The following LUC7L2 variants were observed in gnomAD, a reference collection of about 807,000 sequenced individuals.
LUC7L2 encodes LUC7 like 2, pre-mRNA splicing factor, also known as putative RNA-binding protein Luc7-like 2.
Under a neutral mutation model 52.8 loss-of-function variants are expected in LUC7L2, and 25 were observed. The ratio of observed to expected loss-of-function variants is 0.47; its 90% CI spans 0.34 to 0.66. LUC7L2 has a LOEUF of 0.66. LUC7L2 is among the 30% of genes least tolerant of loss of function. The probability of loss-of-function intolerance (pLI) is 0.01; values close to 1 mark genes in which losing one functional copy is unlikely to be tolerated. For missense variants in LUC7L2, 328 were observed against 497.8 expected, an observed-to-expected ratio of 0.66 and a Z score of 3.25; for synonymous variants, 144 against 160.9, an observed-to-expected ratio of 0.89 and a Z score of 0.80.
At chr7:139,379,320 A>G (rs557339160) in intron 2 of LUC7L2, among the ~76,000 whole-genome samples, 1 of 151,684 alleles carries the variant, frequency 6.6e-6, no homozygotes, top group South Asian at 2.1e-4. Context: ...GGGACAACAT[A>G]GTAAGACTCT....
intron 1 of LUC7L2, among the ~76,000 whole-genome samples, chr7:139,351,072 CT>C (rs1799445288): frequency 6.6e-6 from 1 of 152,134 alleles, no homozygotes; most frequent in Non-Finnish European, 1.5e-5. Context: ...GACCAAGGTC[CT>C]TATGTCACAC....
chr7:139,397,792 G>C (rs961889572), intron 2 of LUC7L2, among the ~76,000 whole-genome samples: 1 of 152,058 alleles, frequency 6.6e-6, no homozygotes, highest in Non-Finnish European at 1.5e-5. Context: ...CCTCTGGTTT[G>C]GTAAATAACA....
At chr7:139,362,907 T>TA (rs1408984243) in intron 1 of LUC7L2, among the ~76,000 whole-genome samples, 1 of 152,214 alleles carries the variant, frequency 6.6e-6, no homozygotes, top group African/African-American at 2.4e-5. Flanking sequence ...ATAAAGTAGT[T>TA]AATCATTTAG....
intron 2 of LUC7L2, among the ~76,000 whole-genome samples, chr7:139,377,749 G>A (rs1359668846): frequency 8.6e-5 from 13 of 150,306 alleles, no homozygotes; most frequent in Admixed American, 8.0e-4. Flanking sequence ...GGCTGGTCTT[G>A]AACTCCTGAC....
At chr7:139,341,301 G>A (rs559317376) in intron 1 of LUC7L2, 4 of 1,527,678 alleles carry the variant, frequency 2.6e-6, no homozygotes, top group Non-Finnish European at 8.8e-7. Flanking sequence ...CTGTCCGACC[G>A]TACCATTAGG....
At chr7:139,367,113 A>C (rs1387036393) in intron 1 of LUC7L2, among the ~76,000 whole-genome samples, 1 of 152,062 alleles carries the variant, frequency 6.6e-6, no homozygotes, top group Non-Finnish European at 1.5e-5. Context: ...CTGAGATGAC[A>C]GGCATGCACT....
chr7:139,421,528 T>C (rs1419305738), intron 9 of LUC7L2, among the ~76,000 whole-genome samples: 1 of 152,260 alleles, frequency 6.6e-6, no homozygotes, highest in Non-Finnish European at 1.5e-5. Context: ...AGCATCTTTG[T>C]CTTTTTTTAT....
chr7:139,348,605 G>C (rs1465120361), intron 1 of LUC7L2, among the ~76,000 whole-genome samples: 2 of 151,944 alleles, frequency 1.3e-5, no homozygotes, highest in South Asian at 2.1e-4. Flanking sequence ...TGTAGTCCCA[G>C]CTACTCTGGA....
chr7:139,357,184 A>G (rs1024092655), upstream of LUC7L2, among the ~76,000 whole-genome samples: 1 of 152,182 alleles, frequency 6.6e-6, no homozygotes, highest in Non-Finnish European at 1.5e-5. Context: ...ACTAGAGTGG[A>G]AGAAATTGGA....
chr7:139,381,746 T>C (rs953972926), intron 2 of LUC7L2, among the ~76,000 whole-genome samples: 1 of 151,886 alleles, frequency 6.6e-6, no homozygotes, highest in African/African-American at 2.4e-5. Context: ...CTGCCTAATT[T>C]TGTATTTTTA....
At chr7:139,401,704 C>T (rs972565235) in intron 3 of LUC7L2, among the ~76,000 whole-genome samples, 6 of 151,462 alleles carry the variant, frequency 4.0e-5, no homozygotes, top group Admixed American at 1.3e-4. Context: ...CTACCTGCTT[C>T]GGCCTCCCAA....
At chr7:139,393,339 G>A (rs1654531274) in intron 2 of LUC7L2, among the ~76,000 whole-genome samples, 1 of 152,128 alleles carries the variant, frequency 6.6e-6, no homozygotes, top group Admixed American at 6.5e-5. Context: ...GCTTAAGCGG[G>A]AGGATTGCTT....
intron 8 of LUC7L2, chr7:139,416,506 C>A (rs1795628318): frequency 6.6e-6 from 1 of 152,134 alleles, no homozygotes; most frequent in African/African-American, 2.4e-5. Flanking sequence ...AGTGTTCTTT[C>A]TCCCAAACTG....
intron 1 of LUC7L2, among the ~76,000 whole-genome samples, chr7:139,348,896 C>T (rs1799358754): frequency 6.6e-6 from 1 of 152,030 alleles, no homozygotes; most frequent in Admixed American, 6.6e-5. Flanking sequence ...CATGGTGGCT[C>T]ACGCCTGTAA....
chr7:139,389,128 C>T (rs183085665), intron 2 of LUC7L2, among the ~76,000 whole-genome samples: 2 of 151,848 alleles, frequency 1.3e-5, no homozygotes, highest in East Asian at 3.9e-4. Flanking sequence ...TAATTTGACC[C>T]CAGTGGCTTT....
chr7:139,405,739 A>G lies in LUC7L2; in HGVS notation c.462A>G (p.Lys154=). ...GAEGNVEESQ[K]VMDEVEKARA... is the part of the protein sequence containing the mutation. ...AAGGGAATGTGGAGGAATCCCAGAA[A>G]GTAATGGATGAAGTAGAGAAAGCAC... is the stretch of plus-strand genomic sequence containing the variant. The change falls in exon 5 of 10, where the codon AAA becomes AAG. Residue 154 remains lysine (K), a synonymous_variant. Transcript: ENST00000354926. 1 of 1,613,456 alleles carries G rather than the reference A, an allele frequency of 6.2e-7. No homozygotes were observed. The highest frequency in any genetic ancestry group is 8.5e-7 in the Non-Finnish European group (1 of 1,179,854).
At chr7:139,413,386 C>G (rs1795453658) in intron 8 of LUC7L2, among the ~76,000 whole-genome samples, 4 of 152,132 alleles carry the variant, frequency 2.6e-5, no homozygotes, top group Admixed American at 2.0e-4. Flanking sequence ...TCCTCTTGTT[C>G]AGATCACATC....
At chr7:139,347,582 C>T (rs1421035542) in intron 1 of LUC7L2, among the ~76,000 whole-genome samples, 5 of 149,130 alleles carry the variant, frequency 3.4e-5, no homozygotes, top group South Asian at 2.1e-4. Flanking sequence ...AGTGAAACTC[C>T]GTCTCAAAAA....
intron 4 of LUC7L2, among the ~76,000 whole-genome samples, chr7:139,404,654 G>A (rs1027514569): frequency 1.1e-4 from 17 of 152,192 alleles, no homozygotes; most frequent in African/African-American, 4.1e-4. Flanking sequence ...AAGTTGCTAG[G>A]ATGATGATGG....
Sources: gnomAD v4.1 joint callset for allele counts (sites outside exome capture counted in the v4.1 genomes callset) on GRCh38, gnomAD v4.1.1 for gene constraint, MANE v1.5 for transcripts, NCBI Gene and HGNC (gene_info 2026-07-23, HGNC 2026-07-21) for gene names.